The following PTCH1 variants were observed in gnomAD, a reference collection of about 807,000 sequenced individuals.
The protein encoded by PTCH1 is protein patched homolog 1.
A neutral mutation model predicts 144.6 loss-of-function variants in PTCH1; 14 were observed. The ratio of observed to expected loss-of-function variants is 0.10; its 90% CI spans 0.06 to 0.15. The LOEUF (loss-of-function observed/expected upper bound fraction) is 0.15. Among genes scored for constraint, PTCH1 ranks in the 10% least tolerant of loss-of-function variants. The pLI is 1.00. For missense variants in PTCH1, 1,623 were observed against 1,948.3 expected, an observed-to-expected ratio of 0.83 and a Z score of 3.14; for synonymous variants, 833 against 793.6, an observed-to-expected ratio of 1.05 and a Z score of -0.83.
At chr9:95,487,458 C>T (rs374187177) in intron 2 of PTCH1, among the ~76,000 whole-genome samples, 1 of 152,210 alleles carries the variant, frequency 6.6e-6, no homozygotes, top group Non-Finnish European at 1.5e-5. Flanking sequence ...CTCGGCTGGC[C>T]TTTTCTGCAA....
intron 2 of PTCH1, among the ~76,000 whole-genome samples, chr9:95,503,598 G>A (rs894494309): frequency 2.0e-5 from 3 of 152,212 alleles, no homozygotes; most frequent in African/African-American, 7.2e-5. Flanking sequence ...CAGGGCAACA[G>A]AACAAGTGAC....
At chr9:95,461,615 G>T (rs1437506236) in intron 16 of PTCH1, among the ~76,000 whole-genome samples, 3 of 152,230 alleles carry the variant, frequency 2.0e-5, no homozygotes, top group Non-Finnish European at 4.4e-5. Context: ...TGTTCTGGTG[G>T]TAGGAACACG....
At chr9:95,504,190 G>C (rs946285310) in intron 2 of PTCH1, among the ~76,000 whole-genome samples, 1 of 152,122 alleles carries the variant, frequency 6.6e-6, no homozygotes, top group African/African-American at 2.4e-5. Context: ...CCCAAGACCA[G>C]TGAGTCATGC....
intron 20 of PTCH1, chr9:95,453,027 A>G (rs2136627795): frequency 3.3e-6 from 1 of 300,058 alleles, no homozygotes; most frequent in Non-Finnish European, 6.5e-6. Flanking sequence ...ATACCTCCGA[A>G]TATCTCTACG....
chr9:95,511,590 G>C (rs1844163121), upstream of PTCH1, among the ~76,000 whole-genome samples: 1 of 152,220 alleles, frequency 6.6e-6, no homozygotes, highest in South Asian at 2.1e-4. Context: ...CTCAGGGAAG[G>C]GCTGCGGAAA....
Position 95,477,773 on chromosome 9 carries a change from C to T in PTCH1, c.1348-71G>A, listed in dbSNP as rs1554698666. 3.2e-6 allele frequency: 5 copies of T among 1,578,150 alleles called. No homozygotes were observed. The South Asian group carries it at 4.6e-5, about 14-fold the overall frequency. On this transcript the variant is annotated intron_variant, in intron 9 of 23. Coordinates refer to ENST00000331920, the MANE Select transcript of PTCH1 (RefSeq NM_000264.5). ...AATGTGTTGTGATTCTAATGTTTCC[C>T]TCCACCCATCACCCCAAATCAAAAG...
chr9:95,461,735 G>T, intron 16 of PTCH1, 121 bp downstream of exon 16: 1 of 1,368,658 alleles, frequency 7.3e-7, no homozygotes. Flanking sequence ...CTTTCTACCA[G>T]CTCCCAGTGC....
intron 2 of PTCH1, among the ~76,000 whole-genome samples, chr9:95,493,897 G>T (rs2118695165): frequency 6.6e-6 from 1 of 152,276 alleles, no homozygotes; most frequent in African/African-American, 2.4e-5. Context: ...TATTCAGGAG[G>T]AGCCAACCGC....
At position 95,459,799 on chromosome 9, in the gene PTCH1, G is replaced by C; in HGVS notation, c.2704-16C>G. 1 of 1,613,660 alleles carries C rather than the reference G, an allele frequency of 6.2e-7. No homozygotes were observed. The stretch of plus-strand genomic sequence containing the variant: ...GTTTAGTCAACTACAAAAACGGGAA[G>C]AACAGAGGCCTTTGAGAATGGGGTT... On this transcript the variant is annotated splice_polypyrimidine_tract_variant and intron_variant, in intron 16 of 23. Transcript: ENST00000331920.
At chr9:95,496,753 G>A (rs913287952) in intron 2 of PTCH1, among the ~76,000 whole-genome samples, 4 of 152,106 alleles carry the variant, frequency 2.6e-5, no homozygotes, top group Admixed American at 2.6e-4. Context: ...ACAACAATGT[G>A]TAAATCTCAT....
chr9:95,471,658 A>G (rs981573408), intron 12 of PTCH1, among the ~76,000 whole-genome samples: 2 of 152,224 alleles, frequency 1.3e-5, no homozygotes, highest in Non-Finnish European at 2.9e-5. Flanking sequence ...TCATGAAGGC[A>G]GGTGTCAGGC....
chr9:95,507,907 C>T (rs1843840427), intron 1 of PTCH1: 19 of 1,050,262 alleles, frequency 1.8e-5, no homozygotes, highest in East Asian at 4.2e-5. Flanking sequence ...CGTGTGTATA[C>T]ACACACACAC....
rs1386356151 is a variant in PTCH1, at chr9:95,456,346, C to T, written c.3236G>A (p.Ser1079Asn). 6.2e-7 allele frequency: 1 copy of T among 1,614,166 alleles called. No homozygotes were observed. The highest frequency in any genetic ancestry group is 1.1e-5 in the South Asian group (1 of 91,086). The change falls in exon 19 of 24, where the codon AGT (serine) becomes AAT (asparagine). Residue 1079 changes from serine (S) to asparagine (N), a missense_variant. By Grantham distance (46) the Ser-to-Asn change is conservative. Transcript: ENST00000331920. The part of the protein sequence containing the change: ...GMMGLIGIKL[S>N]AVPVVILIAS... Reference sequence around the variant, plus strand: ...GATCAGGATGACCACGGGCACGGCACTGAGCTTGATTCCGATGAGGCCCAT... The same window carrying T: ...GATCAGGATGACCACGGGCACGGCATTGAGCTTGATTCCGATGAGGCCCAT...
Position 95,499,589 on chromosome 9 carries a change from A to G in PTCH1, c.394+6818T>C, listed in dbSNP as rs372962074. On this transcript the variant is annotated intron_variant, in intron 2 of 23. Transcript: ENST00000331920. ...GAAACATTAATAGTATTATAATAGG[A>G]TGACACAGCCATGGTTATTATGTGG... Among the ~76,000 whole-genome samples the G allele has an allele frequency of 2.0e-5, 3 of 151,846 alleles. No individual in the cohort carries two copies. In the East Asian group the frequency reaches 5.8e-4, roughly 29 times the overall value.
rs369272562 is a variant in PTCH1 at position 95,466,786 on chromosome 9, G to A, written c.2560+330C>T. 3.0e-4 allele frequency among the ~76,000 whole-genome samples: 45 copies of A among 152,252 alleles called. No homozygotes were observed. The East Asian group carries it at 5.0e-3, about 17-fold the overall frequency. On this transcript the variant is annotated intron_variant, in intron 15 of 23. Coordinates refer to ENST00000331920, the MANE Select transcript of PTCH1 (RefSeq NM_000264.5). ...CCCAGCCGCACTTTGATTTTATGTG[G>A]TCACCAAACTAGCCACCGTCTATCC...
chr9:95,468,662 AAAG>A (rs1438990833), intron 14 of PTCH1, 86 bp downstream of exon 14: 30 of 1,543,392 alleles, frequency 1.9e-5, no homozygotes, highest in Admixed American at 3.6e-5. Context: ...TTTTAAGGAA[AAAG>A]AAGAAAAGTA....
In PTCH1 at chr9:95,463,574, T is replaced by C. The variant is rs559639947; in HGVS notation, c.2561-1576A>G. 1.8e-3 allele frequency among the ~76,000 whole-genome samples: 271 copies of C among 152,330 alleles called. 2 individuals are homozygous for C. Among genetic ancestry groups the C allele is most frequent in the Middle Eastern group, 6.8e-3 (2 of 294 alleles). ...TCAAAAAGGGAGGCCTCGTCTGTTT[T>C]CCTCGCTGTAACAATTTTCATGATG... On this transcript the variant is annotated intron_variant, in intron 15 of 23. Transcript: ENST00000331920.
At chr9:95,516,552 T>G in exon 1 of PTCH1, 3 of 1,544,390 alleles carry the variant, frequency 1.9e-6, no homozygotes, top group Non-Finnish European at 2.6e-6. Context: ...ATTCCTTTTT[T>G]TTCCCTGGCC....
chr9:95,515,968 G>T (rs1844345011), intron 1 of PTCH1, among the ~76,000 whole-genome samples: 1 of 151,954 alleles, frequency 6.6e-6, no homozygotes, highest in Non-Finnish European at 1.5e-5. Context: ...TGGCGGCAGC[G>T]GCTTCCGCGC....
Sources: allele counts gnomAD v4.1 joint callset (sites outside exome capture counted in the v4.1 genomes callset), GRCh38; gene constraint gnomAD v4.1.1; transcripts MANE v1.5; gene names NCBI Gene and HGNC (gene_info 2026-07-23, HGNC 2026-07-21).